The following IMMP2L variants were observed in gnomAD, a reference collection of about 807,000 sequenced individuals.
IMMP2L encodes mitochondrial inner membrane protease subunit 2.
Under a neutral mutation model 19.3 loss-of-function variants are expected in IMMP2L, and 18 were observed. The ratio of observed to expected loss-of-function variants is 0.93; its 90% CI spans 0.64 to 1.38. The LOEUF is 1.38. Ranked by LOEUF, IMMP2L falls within the 40% of genes most tolerant of loss-of-function variation. The pLI is 0.00. For missense variants in IMMP2L, 233 were observed against 218.2 expected, an observed-to-expected ratio of 1.07 and a Z score of -0.43; for synonymous variants, 76 against 73.0, an observed-to-expected ratio of 1.04 and a Z score of -0.21.
intron 1 of IMMP2L, among the ~76,000 whole-genome samples, chr7:111,552,765 G>C (rs1790824599): frequency 1.3e-5 from 2 of 152,186 alleles, no homozygotes; most frequent in Admixed American, 6.5e-5. Context: ...CTCCCATACT[G>C]AATCAGGGCT....
intron 3 of IMMP2L, among the ~76,000 whole-genome samples, chr7:111,208,235 A>C (rs1297751252): frequency 6.6e-6 from 1 of 152,186 alleles, no homozygotes; most frequent in African/African-American, 2.4e-5. Flanking sequence ...TCTCAGGTGC[A>C]TAATCATTCA....
At chr7:111,283,651 T>G (rs956591026) in intron 3 of IMMP2L, among the ~76,000 whole-genome samples, 1 of 152,028 alleles carries the variant, frequency 6.6e-6, no homozygotes, top group Admixed American at 6.6e-5. Context: ...TTACTTTGGG[T>G]AACAAGACAT....
intron 4 of IMMP2L, among the ~76,000 whole-genome samples, chr7:110,922,690 T>C (rs573345940): frequency 6.6e-6 from 1 of 152,314 alleles, no homozygotes; most frequent in Admixed American, 6.5e-5. Flanking sequence ...TCTGATCCAA[T>C]ATCACTGTCC....
intron 2 of IMMP2L, among the ~76,000 whole-genome samples, chr7:111,500,783 TAACA>T (rs1432710666): frequency 6.6e-6 from 1 of 151,998 alleles, no homozygotes; most frequent in Admixed American, 6.6e-5. Flanking sequence ...GAAGGAAAAC[TAACA>T]AACAGAAAGG....
chr7:111,559,134 G>A (rs1791724522), intron 1 of IMMP2L, among the ~76,000 whole-genome samples: 1 of 152,220 alleles, frequency 6.6e-6, no homozygotes, highest in South Asian at 2.1e-4. Flanking sequence ...AACTATAGCA[G>A]TACAGTTAAT....
intron 5 of IMMP2L, among the ~76,000 whole-genome samples, chr7:110,817,633 A>G (rs1228167127): frequency 1.3e-5 from 2 of 152,104 alleles, no homozygotes; most frequent in African/African-American, 2.4e-5. Context: ...ATATGGAACC[A>G]AAAAAGAGCC....
chr7:110,792,890 T>C (rs1800564724), intron 5 of IMMP2L, among the ~76,000 whole-genome samples: 1 of 152,138 alleles, frequency 6.6e-6, no homozygotes, highest in African/African-American at 2.4e-5. Flanking sequence ...AATGAAATCT[T>C]ATTCAGCCTT....
At chr7:111,357,021 C>CA (rs1355656971) in intron 3 of IMMP2L, among the ~76,000 whole-genome samples, 1 of 150,408 alleles carries the variant, frequency 6.6e-6, no homozygotes, top group Non-Finnish European at 1.5e-5. Context: ...AACTCTGTCT[C>CA]AAAAAAAAAG....
At chr7:110,907,489 T>C (rs1563072158) in intron 4 of IMMP2L, among the ~76,000 whole-genome samples, 1 of 152,158 alleles carries the variant, frequency 6.6e-6, no homozygotes, top group Non-Finnish European at 1.5e-5. Flanking sequence ...AGGGTTTTTA[T>C]GGGCACATGA....
chr7:111,288,934 T>C (rs557744955), intron 3 of IMMP2L, among the ~76,000 whole-genome samples: 15 of 152,210 alleles, frequency 9.9e-5, no homozygotes, highest in East Asian at 5.8e-4. Flanking sequence ...ACCCAAAAGA[T>C]TGTAAATCAT....
intron 5 of IMMP2L, among the ~76,000 whole-genome samples, chr7:110,855,538 C>G (rs557767727): frequency 6.6e-6 from 1 of 152,088 alleles, no homozygotes; most frequent in Admixed American, 6.6e-5. Context: ...TTCTCTGATT[C>G]TATGCTAGAA....
At chr7:110,951,663 A>T (rs934598140) in intron 4 of IMMP2L, among the ~76,000 whole-genome samples, 1 of 151,970 alleles carries the variant, frequency 6.6e-6, no homozygotes, top group Non-Finnish European at 1.5e-5. Context: ...GAAATCAATA[A>T]CTTTGCCAAG....
intron 3 of IMMP2L, among the ~76,000 whole-genome samples, chr7:111,117,466 T>C (rs1182666418): frequency 1.3e-5 from 2 of 152,130 alleles, no homozygotes; most frequent in Non-Finnish European, 2.9e-5. Flanking sequence ...CAATTTCTCA[T>C]TGACATCAGT....
intron 3 of IMMP2L, among the ~76,000 whole-genome samples, chr7:111,436,700 C>G (rs1837205434): frequency 6.6e-6 from 1 of 151,904 alleles, no homozygotes; most frequent in Non-Finnish European, 1.5e-5. Context: ...TTAGACAAAA[C>G]TGCACTGTGT....
At chr7:110,946,822 A>G (rs887873674) in intron 4 of IMMP2L, among the ~76,000 whole-genome samples, 1 of 142,866 alleles carries the variant, frequency 7.0e-6, no homozygotes, top group Non-Finnish European at 1.5e-5. Flanking sequence ...TCAGGTTCAC[A>G]CCATTCTCCT....
intron 5 of IMMP2L, among the ~76,000 whole-genome samples, chr7:110,808,085 T>G (rs891266868): frequency 6.6e-6 from 1 of 152,096 alleles, no homozygotes; most frequent in African/African-American, 2.4e-5. Flanking sequence ...AGTTTTTCAC[T>G]TTAATAATTA....
intron 3 of IMMP2L, chr7:111,411,609 G>A (rs370323529): frequency 9.0e-5 from 26 of 289,922 alleles, no homozygotes; most frequent in Admixed American, 5.2e-4. Context: ...ACTATGGATC[G>A]GGAAGTGCAC....
chr7:111,274,990 A>G (rs1237564265), intron 3 of IMMP2L, among the ~76,000 whole-genome samples: 1 of 152,198 alleles, frequency 6.6e-6, no homozygotes, highest in Non-Finnish European at 1.5e-5. Flanking sequence ...AAGCAGTAGC[A>G]CCAAGGCGCA....
Position 111,551,575 on chromosome 7 carries a change from G to T in IMMP2L, c.-3+10276C>A, listed in dbSNP as rs142610976. ...GTCATCGGTGAGGAAGCCAGGCTAA[G>T]CAACTAACAAAGAGTCCAAATATCT... On this transcript the variant is annotated intron_variant, in intron 1 of 5. Transcript: ENST00000405709. Among the ~76,000 whole-genome samples the T allele has an allele frequency of 5.5e-4, 84 of 151,434 alleles. 2 individuals are homozygous for T. Among genetic ancestry groups the T allele is most frequent in the African/African-American group, 1.9e-3 (78 of 41,320 alleles).
Sources: allele counts gnomAD v4.1 joint callset (sites outside exome capture counted in the v4.1 genomes callset), GRCh38; gene constraint gnomAD v4.1.1; transcripts MANE v1.5; gene names NCBI Gene and HGNC (gene_info 2026-07-23, HGNC 2026-07-21).